TDRD3: variants seen among roughly 807,000 people sequenced by gnomAD.
TDRD3 encodes tudor domain containing 3, also known as tudor domain-containing protein 3.
In TDRD3, 45 loss-of-function variants were observed where a neutral mutation model predicts 86.7. The ratio of observed to expected loss-of-function variants is 0.52; its 90% CI spans 0.41 to 0.67. TDRD3 has a LOEUF of 0.67. Among genes scored for constraint, TDRD3 ranks in the 30% least tolerant of loss-of-function variants. The pLI is 0.00. For synonymous variants in TDRD3, 298 were observed against 301.7 expected (o/e 0.99, Z 0.13); for missense variants, 814 against 889.0 (o/e 0.92, Z 1.07).
intron 3 of TDRD3, among the ~76,000 whole-genome samples, chr13:60,459,103 A>G (rs1955744978): frequency 6.6e-6 from 1 of 152,222 alleles, no homozygotes; most frequent in African/African-American, 2.4e-5. Flanking sequence ...TATAATAACA[A>G]AATTACTCCT....
chr13:60,560,707 T>C (rs1020713627), intron 12 of TDRD3, among the ~76,000 whole-genome samples: 1 of 152,212 alleles, frequency 6.6e-6, no homozygotes, highest in African/African-American at 2.4e-5. Context: ...TTGAGTTAGG[T>C]ATTCAGATGA....
intron 4 of TDRD3, among the ~76,000 whole-genome samples, chr13:60,461,325 G>T (rs1955798289): frequency 6.6e-6 from 1 of 152,108 alleles, no homozygotes; most frequent in African/African-American, 2.4e-5. Flanking sequence ...CATTGGGAAT[G>T]ATTTTCCAAA....
intron 4 of TDRD3, chr13:60,461,046 G>A (rs924489795): frequency 4.0e-5 from 6 of 151,770 alleles, no homozygotes; most frequent in Non-Finnish European, 7.4e-5. Context: ...AAATAGTTAA[G>A]TATATAGTTA....
chr13:60,561,893 G>T (rs1034374539), intron 12 of TDRD3, among the ~76,000 whole-genome samples: 1 of 149,594 alleles, frequency 6.7e-6, no homozygotes, highest in Non-Finnish European at 1.5e-5. Context: ...TGTTGTTGTT[G>T]TTTGTAGTAG....
chr13:60,444,943 T>G (rs1054688817), intron 3 of TDRD3, among the ~76,000 whole-genome samples, 195 bp downstream of exon 3: 18 of 146,990 alleles, frequency 1.2e-4, no homozygotes, highest in African/African-American at 4.5e-4. Context: ...TTTTCAACAT[T>G]AAAAAAAAAA....
At chr13:60,406,835 A>G (rs1231297545) in intron 1 of TDRD3, among the ~76,000 whole-genome samples, 1 of 152,182 alleles carries the variant, frequency 6.6e-6, no homozygotes, top group Admixed American at 6.5e-5. Flanking sequence ...ATTCCCCACA[A>G]TCTTTCCCCA....
intron 6 of TDRD3, 125 bp from the exon 7 acceptor site, chr13:60,485,674 T>C (rs1956415006): frequency 1.3e-6 from 1 of 761,554 alleles, no homozygotes; most frequent in East Asian, 3.3e-5. Context: ...GATAGAATTT[T>C]ATTTGTGTAG....
chr13:60,483,777 CT>C lies in TDRD3; in HGVS notation c.500del (p.Leu167TyrfsTer90). On this transcript the variant is annotated frameshift_variant, in exon 6 of 14. Coordinates refer to ENST00000377881, the MANE Select transcript of TDRD3 (RefSeq NM_001146070.2). LOFTEE classifies it high-confidence loss of function. ...LIEKWELQRSLSKHNRSNIGT... is the reference protein window; with the variant it reads ...LIEKWELQRSXSKHNRSNIGT... ...TTGTGACTGGATTTTTTCCGCAGAG[CT>C]TATCAAAACACAATAGAAGCAATAT... The C allele has an allele frequency of 6.2e-7, 1 of 1,605,672 alleles. No individual in the cohort carries two copies. The highest frequency in any genetic ancestry group is 1.1e-5 in the South Asian group (1 of 89,708).
chr13:60,489,024 T>C, intron 7 of TDRD3, among the ~76,000 whole-genome samples: 1 of 152,298 alleles, frequency 6.6e-6, no homozygotes, highest in East Asian at 1.9e-4. Context: ...CTCTGTTGAT[T>C]GAATTCTTAG....
chr13:60,482,652 T>A (rs796347111), intron 5 of TDRD3, among the ~76,000 whole-genome samples: 28 of 152,154 alleles, frequency 1.8e-4, no homozygotes, highest in African/African-American at 6.3e-4. Context: ...TTGTGAAAAA[T>A]TAGATTAATA....
intron 7 of TDRD3, among the ~76,000 whole-genome samples, chr13:60,492,291 A>G (rs1407695308): frequency 6.6e-6 from 1 of 152,210 alleles, no homozygotes; most frequent in Non-Finnish European, 1.5e-5. Context: ...AGCAGGTGAG[A>G]TTCCAGACTT....
intron 4 of TDRD3, chr13:60,460,781 G>A (rs1219058428): frequency 7.4e-6 from 2 of 269,602 alleles, no homozygotes; most frequent in Non-Finnish European, 1.4e-5. Context: ...AAGGGGGACG[G>A]ATCACCCAAG....
At chr13:60,478,565 A>G (rs2137469667) in intron 5 of TDRD3, among the ~76,000 whole-genome samples, 1 of 152,112 alleles carries the variant, frequency 6.6e-6, no homozygotes, top group South Asian at 2.1e-4. Flanking sequence ...TTGTCCTCCC[A>G]AAGTGCTGGG....
chr13:60,483,581 G>A (rs1956362896), intron 5 of TDRD3, among the ~76,000 whole-genome samples, 194 bp from the exon 6 acceptor site: 1 of 152,074 alleles, frequency 6.6e-6, no homozygotes, highest in Non-Finnish European at 1.5e-5. Context: ...GGGGAGGTGA[G>A]GAGAGTCTTT....
At chr13:60,467,479 G>C in intron 5 of TDRD3, 100 bp downstream of exon 5, 1 of 1,308,638 alleles carries the variant, frequency 7.6e-7, no homozygotes, top group East Asian at 2.4e-5. Context: ...CTTTGTGTCG[G>C]AGTTGAATAG....
In TDRD3 at chr13:60,416,198, G is replaced by A. The variant is rs184692292; in HGVS notation, c.41+18793G>A. Among the ~76,000 whole-genome samples the A allele has an allele frequency of 2.1e-3, 318 of 152,174 alleles. 1 individual carries two copies. The highest frequency in any genetic ancestry group is 3.8e-3 in the Non-Finnish European group (255 of 67,986). ...TTCACTGACTCTTTTCAATAATTAA[G>A]GTTTCTCTAAGTGTAAAGTGTAAAG... On this transcript the variant is annotated intron_variant, in intron 1 of 13. Transcript: ENST00000377881.
upstream of TDRD3, among the ~76,000 whole-genome samples, chr13:60,395,937 A>G (rs1210175906): frequency 1.3e-5 from 2 of 152,246 alleles, no homozygotes; most frequent in African/African-American, 2.4e-5. Context: ...GCAAATCTCA[A>G]TAGCATTCCA....
intron 7 of TDRD3, among the ~76,000 whole-genome samples, chr13:60,490,483 ACC>A (rs1419502745): frequency 6.6e-6 from 1 of 152,102 alleles, no homozygotes; most frequent in Non-Finnish European, 1.5e-5. Flanking sequence ...AATAGAGGTT[ACC>A]TTATGTAGGG....
intron 11 of TDRD3, among the ~76,000 whole-genome samples, chr13:60,533,533 C>T (rs891895505): frequency 2.6e-5 from 4 of 151,766 alleles, no homozygotes; most frequent in East Asian, 1.9e-4. Flanking sequence ...CCCAGCTACT[C>T]GGGAGCCTGA....
Sources: allele counts gnomAD v4.1 joint callset (sites outside exome capture counted in the v4.1 genomes callset), GRCh38; gene constraint gnomAD v4.1.1; transcripts MANE v1.5; gene names NCBI Gene and HGNC (gene_info 2026-07-23, HGNC 2026-07-21).